ITGA1: variants seen among roughly 807,000 people sequenced by gnomAD.
ITGA1 encodes the protein integrin subunit alpha 1.
Under a neutral mutation model 145.9 loss-of-function variants are expected in ITGA1, and 85 were observed. That is an observed-to-expected ratio of 0.58 (90% CI 0.49 to 0.70). ITGA1 has a LOEUF of 0.70. Among genes scored for constraint, ITGA1 ranks in the 30% least tolerant of loss-of-function variants. The pLI is 0.00. For synonymous variants in ITGA1, 520 were observed against 495.3 expected, an observed-to-expected ratio of 1.05 and a Z score of -0.66; for missense variants, 1,351 against 1,418.7, an observed-to-expected ratio of 0.95 and a Z score of 0.77.
chr5:52,811,588 C>T (rs112323598), intron 1 of ITGA1, among the ~76,000 whole-genome samples: 1,797 of 152,264 alleles, frequency 0.012, 41 homozygotes, highest in African/African-American at 0.041. Flanking sequence ...CTTTGCCAAA[C>T]ACTCCCCTAT....
chr5:52,911,576 A>ATAC (rs1750535514), intron 14 of ITGA1, among the ~76,000 whole-genome samples: 2 of 30,188 alleles, frequency 6.6e-5, no homozygotes, highest in Non-Finnish European at 1.8e-4. Flanking sequence ...TATATATACT[A>ATAC]TATATATAGT....
chr5:52,894,672 A>C (rs778588211), intron 9 of ITGA1, among the ~76,000 whole-genome samples: 1 of 152,186 alleles, frequency 6.6e-6, no homozygotes, highest in Non-Finnish European at 1.5e-5. Flanking sequence ...CTTAGGCTAC[A>C]TCCAAATCCA....
chr5:52,942,442 T>A (rs1240474883), intron 26 of ITGA1, among the ~76,000 whole-genome samples: 1 of 152,080 alleles, frequency 6.6e-6, no homozygotes, highest in Non-Finnish European at 1.5e-5. Context: ...TTCAGCAGTG[T>A]TTTTTAGGTC....
chr5:52,956,130 G>C lies in ITGA1; in HGVS notation c.*3679G>C, dbSNP rs572165276. ...GTATAGTAGAGGCTGGGGAATCCCT[G>C]CCCATGTTCTCTCCAAGGCCACAGC... On this transcript the variant is annotated 3_prime_UTR_variant, in exon 29 of 29. Transcript: ENST00000282588. 2.0e-5 allele frequency: 3 copies of C among 152,196 alleles called. No individual in the cohort carries two copies. Among genetic ancestry groups the C allele is most frequent in the African/African-American group, 7.2e-5 (3 of 41,524 alleles). 9.4% of individuals were successfully genotyped at this position (152,196 alleles called of 1,614,324 possible). A position where few individuals can be genotyped will look rare whatever the true frequency, so the allele number is the denominator to read the frequency against.
chr5:52,922,391 TG>T (rs1225595548), intron 17 of ITGA1, among the ~76,000 whole-genome samples: 8 of 152,194 alleles, frequency 5.3e-5, no homozygotes, highest in Non-Finnish European at 1.2e-4. Context: ...ATAGAAAGTT[TG>T]CCCTTCTGAA....
chr5:52,899,597 C>A (rs1750283011), intron 11 of ITGA1, among the ~76,000 whole-genome samples: 1 of 152,070 alleles, frequency 6.6e-6, no homozygotes, highest in South Asian at 2.1e-4. Flanking sequence ...GAGAAAATGA[C>A]AAACTAGGAT....
At chr5:52,807,439 A>G (rs1273486290) in intron 1 of ITGA1, among the ~76,000 whole-genome samples, 1 of 152,154 alleles carries the variant, frequency 6.6e-6, no homozygotes, top group East Asian at 1.9e-4. Context: ...AAAGAAGATT[A>G]AATAATTTAT....
At chr5:52,902,874 C>T (rs1750338755) in intron 11 of ITGA1, 1 of 152,014 alleles carries the variant, frequency 6.6e-6, no homozygotes, top group South Asian at 2.1e-4. Flanking sequence ...CGCGCCCAGC[C>T]CTTTTCTTCC....
chr5:52,919,140 T>A (rs556738305), intron 16 of ITGA1, among the ~76,000 whole-genome samples: 1 of 152,280 alleles, frequency 6.6e-6, no homozygotes. Context: ...CTCCATAGTT[T>A]CTGTCTGGCT....
chr5:52,937,473 G>A lies in ITGA1; in HGVS notation c.3037G>A (p.Gly1013Ser). The A allele has an allele frequency of 3.7e-6, 6 of 1,613,346 alleles. No individual in the cohort carries two copies. The highest frequency in any genetic ancestry group is 5.1e-6 in the Non-Finnish European group (6 of 1,179,396). Reference sequence around the variant, plus strand: ...TTCATTCCCCAATATGACATCAAATGGTTACCCTGTGCTGTACCCAACTGG... The same window carrying A: ...TTCATTCCCCAATATGACATCAAATAGTTACCCTGTGCTGTACCCAACTGG... ...SISFPNMTSN[G>S]YPVLYPTGLS... The change falls in exon 24 of 29, where the codon GGT becomes AGT. Residue 1013 changes from glycine (G) to serine (S), a missense_variant. Transcript: ENST00000282588.
Position 52,959,038 on chromosome 5 carries a change from A to C in ITGA1, c.*6587A>C, listed in dbSNP as rs1751341076. On this transcript the variant is annotated 3_prime_UTR_variant, in exon 29 of 29. Transcript: ENST00000282588. Reference sequence around the variant, plus strand: ...ATTAGAAATAGCTGAGAGAGTAAAAAAGCATTTTGAATGTCCTATGTATGG... The same window carrying C: ...ATTAGAAATAGCTGAGAGAGTAAAACAGCATTTTGAATGTCCTATGTATGG... 6.6e-6 allele frequency: 1 copy of C among 152,198 alleles called. No individual in the cohort carries two copies. 9.4% of individuals were successfully genotyped at this position (152,198 alleles called of 1,614,324 possible).
intron 15 of ITGA1, among the ~76,000 whole-genome samples, chr5:52,917,563 T>TCCATTAAAAATAAATC (rs1750665344): frequency 6.6e-6 from 1 of 151,238 alleles, no homozygotes; most frequent in Non-Finnish European, 1.5e-5. Flanking sequence ...ATAGTCTGCT[T>TCCATTAAAAATAAATC]CCATTAAAAA....
chr5:52,815,822 T>G (rs1419797437), intron 1 of ITGA1, among the ~76,000 whole-genome samples: 5 of 152,218 alleles, frequency 3.3e-5, no homozygotes, highest in African/African-American at 1.2e-4. Context: ...TGTGATGCAA[T>G]TTGATAATGT....
intron 23 of ITGA1, among the ~76,000 whole-genome samples, chr5:52,934,372 A>G (rs2111892205): frequency 6.6e-6 from 1 of 151,778 alleles, no homozygotes; most frequent in East Asian, 1.9e-4. Context: ...TTATTTTATC[A>G]GTGTGACTGA....
At chr5:52,800,770 GA>G in intron 1 of ITGA1, 1 of 1,614,146 alleles carries the variant, frequency 6.2e-7, no homozygotes, top group South Asian at 1.1e-5. Context: ...GGAGCGCATC[GA>G]GCAGGCCTGT....
chr5:52,902,570 C>CT (rs34173357), intron 11 of ITGA1: 23,686 of 149,438 alleles, frequency 0.16, 2,284 homozygotes, highest in Middle Eastern at 0.26. Flanking sequence ...TTTTTTTCCT[C>CT]TTTTTTTTTT....
intron 1 of ITGA1, among the ~76,000 whole-genome samples, chr5:52,834,725 AAGAG>A (rs1307967594): frequency 3.3e-5 from 5 of 149,806 alleles, no homozygotes; most frequent in Non-Finnish European, 5.9e-5. Flanking sequence ...GAAGGAGAGA[AAGAG>A]AGAGAGAGAT....
Position 52,849,439 on chromosome 5 carries a change from A to G in ITGA1, c.136A>G (p.Met46Val). 1.9e-6 allele frequency: 3 copies of G among 1,611,964 alleles called. No homozygotes were observed. The highest frequency in any genetic ancestry group is 2.5e-6 in the Non-Finnish European group (3 of 1,179,282). ...SMTFSGPVEDMFGYTVQQYEN... is the reference protein window; with the variant it reads ...SMTFSGPVEDVFGYTVQQYEN... ...GACTTTCAGCGGCCCGGTGGAAGAC[A>G]TGTTTGGATATACTGTTCAACAATA... is the stretch of plus-strand genomic sequence containing the variant. The change falls in exon 2 of 29, where the codon ATG becomes GTG. Residue 46 changes from methionine to valine, a missense_variant. Coordinates refer to ENST00000282588, the MANE Select transcript of ITGA1 (RefSeq NM_181501.2).
intron 1 of ITGA1, among the ~76,000 whole-genome samples, chr5:52,826,693 A>T (rs1748970819): frequency 6.6e-6 from 1 of 152,236 alleles, no homozygotes; most frequent in African/African-American, 2.4e-5. Context: ...GCACTATGCT[A>T]AATCTACCTA....
Sources: gnomAD v4.1 joint callset for allele counts (sites outside exome capture counted in the v4.1 genomes callset) on GRCh38, gnomAD v4.1.1 for gene constraint, MANE v1.5 for transcripts, NCBI Gene and HGNC (gene_info 2026-07-23, HGNC 2026-07-21) for gene names.